The following FAM20B variants were observed in gnomAD, a reference collection of about 807,000 sequenced individuals.
FAM20B encodes the protein FAM20B glycosaminoglycan xylosylkinase.
A neutral mutation model predicts 43.8 loss-of-function variants in FAM20B; 23 were observed. That is an observed-to-expected ratio of 0.53 (90% CI 0.38 to 0.74). The LOEUF is 0.74. FAM20B is among the 30% of genes least tolerant of loss of function. The probability of loss-of-function intolerance (pLI) is 0.00; values close to 1 mark genes in which losing one functional copy is unlikely to be tolerated. For missense variants in FAM20B, 440 were observed against 510.5 expected (o/e 0.86, Z 1.33); for synonymous variants, 178 against 192.4 (o/e 0.93, Z 0.62).
intron 3 of FAM20B, 94 bp from the exon 4 acceptor site, chr1:179,054,435 C>A: frequency 4.1e-6 from 3 of 733,932 alleles, no homozygotes; most frequent in Non-Finnish European, 7.1e-6. Flanking sequence ...AAACCCTTTA[C>A]ACATTTGACA....
chr1:179,031,079 T>C (rs1429275827), intron 1 of FAM20B, among the ~76,000 whole-genome samples: 3 of 152,212 alleles, frequency 2.0e-5, no homozygotes, highest in African/African-American at 4.8e-5. Context: ...AGGTCTATTG[T>C]TGTATAAAGT....
Position 179,037,001 on chromosome 1 carries a change from A to G in FAM20B, c.-133-6714A>G, listed in dbSNP as rs1179597719. Reference sequence around the variant, plus strand: ...CAAAGAGCACCTACACATCAAGAGGAGGACCATAGCATGTTCAGTTGATCC... The same window carrying G: ...CAAAGAGCACCTACACATCAAGAGGGGGACCATAGCATGTTCAGTTGATCC... On this transcript the variant is annotated intron_variant, in intron 1 of 7. Coordinates refer to ENST00000263733, the MANE Select transcript of FAM20B (RefSeq NM_014864.4). 2.6e-5 allele frequency among the ~76,000 whole-genome samples: 4 copies of G among 152,338 alleles called. No homozygotes were observed. In the East Asian group the frequency reaches 7.7e-4, roughly 29 times the overall value.
upstream of FAM20B, among the ~76,000 whole-genome samples, chr1:179,021,157 C>T (rs547314914): frequency 8.5e-5 from 13 of 152,346 alleles, no homozygotes; most frequent in African/African-American, 3.1e-4. Context: ...GCTCAAAGAG[C>T]CTTCTGCTGA....
At chr1:179,049,211 T>C (rs149965003) in intron 2 of FAM20B, among the ~76,000 whole-genome samples, 113 of 152,314 alleles carry the variant, frequency 7.4e-4, no homozygotes, top group African/African-American at 2.5e-3. Context: ...ATCATCAGAA[T>C]GCAGTCTGAG....
chr1:179,023,674 C>T (rs1649646139), upstream of FAM20B, among the ~76,000 whole-genome samples: 1 of 152,166 alleles, frequency 6.6e-6, no homozygotes, highest in Admixed American at 6.5e-5. Flanking sequence ...CTGAAGATGG[C>T]GGCTGTAAGT....
intron 1 of FAM20B, among the ~76,000 whole-genome samples, chr1:179,038,533 G>C (rs888545564): frequency 2.0e-4 from 30 of 152,170 alleles, no homozygotes; most frequent in Admixed American, 3.3e-4. Flanking sequence ...TGCATTTGTA[G>C]CTAGTGGCAT....
intron 1 of FAM20B, among the ~76,000 whole-genome samples, chr1:179,030,788 G>C (rs1036203195): frequency 3.3e-5 from 5 of 151,698 alleles, no homozygotes; most frequent in Admixed American, 2.0e-4. Context: ...TACAGGCCCT[G>C]CACAGTGCTA....
intron 2 of FAM20B, among the ~76,000 whole-genome samples, chr1:179,047,309 G>A (rs1308122307): frequency 3.9e-5 from 6 of 151,964 alleles, no homozygotes; most frequent in African/African-American, 7.3e-5. Context: ...AACCACTTCC[G>A]TTCTTCCCCG....
chr1:179,019,452 T>G, the FAM20B span, among the ~76,000 whole-genome samples: 2 of 146,490 alleles, frequency 1.4e-5, no homozygotes, highest in East Asian at 4.0e-4. Context: ...GGTTTTTTTT[T>G]TTGTTTGTTT....
At chr1:179,071,566 A>G (rs1252617971) in intron 7 of FAM20B, among the ~76,000 whole-genome samples, 1 of 152,138 alleles carries the variant, frequency 6.6e-6, no homozygotes, top group Non-Finnish European at 1.5e-5. Context: ...TAAATTTTCA[A>G]AATTGTTTTT....
At chr1:179,040,998 C>G in intron 1 of FAM20B, among the ~76,000 whole-genome samples, 1 of 149,486 alleles carries the variant, frequency 6.7e-6, no homozygotes, top group African/African-American at 2.5e-5. Context: ...CAGAGGCGCT[C>G]CCCACATCTC....
At chr1:179,060,258 G>T (rs1651407061) in intron 4 of FAM20B, among the ~76,000 whole-genome samples, 1 of 151,886 alleles carries the variant, frequency 6.6e-6, no homozygotes, top group Non-Finnish European at 1.5e-5. Context: ...CCATTATTTG[G>T]GTCTACCATA....
rs148915221 is a variant in FAM20B, at chr1:179,044,851, C to T, written c.377+627C>T. On this transcript the variant is annotated intron_variant, in intron 2 of 7. Coordinates refer to ENST00000263733, the MANE Select transcript of FAM20B (RefSeq NM_014864.4). The stretch of plus-strand genomic sequence containing the variant: ...ATTGCTGGACCACATGGTAAGAGTA[C>T]GTTTCATTTTGTAAAAAACTGCTAA... 1.2e-3 allele frequency among the ~76,000 whole-genome samples: 190 copies of T among 152,304 alleles called. 1 individual carries two copies. Among genetic ancestry groups the T allele is most frequent in the African/African-American group, 4.2e-3 (176 of 41,578 alleles).
rs188098490 is a variant in FAM20B, at chr1:179,041,231, G to A, written c.-133-2484G>A. Among the ~76,000 whole-genome samples the A allele has an allele frequency of 4.6e-5, 7 of 151,844 alleles. No individual in the cohort carries two copies. In the Middle Eastern group the frequency reaches 0.01, roughly 221 times the overall value. On this transcript the variant is annotated intron_variant, in intron 1 of 7. Coordinates refer to ENST00000263733, the MANE Select transcript of FAM20B (RefSeq NM_014864.4). Reference sequence around the variant, plus strand: ...AGACGATGGGCAACCAGGCAGAGACGCTCCTCACTTCCCAGACGGGGTGGC... The same window carrying A: ...AGACGATGGGCAACCAGGCAGAGACACTCCTCACTTCCCAGACGGGGTGGC...
Position 179,034,573 on chromosome 1 carries a change from G to T in FAM20B, c.-134+8475G>T, listed in dbSNP as rs1306932244. On this transcript the variant is annotated intron_variant, in intron 1 of 7. Transcript: ENST00000263733. ...TTGATAGGATAAATTGTTAGTGTCTGTCTTTGCAGACAGTCTACAAAAAAT... is the reference window on the plus strand; with the variant it reads ...TTGATAGGATAAATTGTTAGTGTCTTTCTTTGCAGACAGTCTACAAAAAAT... Among the ~76,000 whole-genome samples, 3 of 152,270 alleles carry T rather than the reference G, an allele frequency of 2.0e-5. No homozygotes were observed. The East Asian group carries it at 5.8e-4, about 29-fold the overall frequency.
At chr1:179,066,145 T>C (rs550153413) in intron 6 of FAM20B, among the ~76,000 whole-genome samples, 1 of 152,276 alleles carries the variant, frequency 6.6e-6, no homozygotes, top group African/African-American at 2.4e-5. Context: ...GGACCTACAC[T>C]GTACTAAGGG....
At chr1:179,064,273 T>C (rs755919918) in intron 5 of FAM20B, 32 bp from the exon 6 acceptor site, 4 of 1,563,180 alleles carry the variant, frequency 2.6e-6, no homozygotes, top group African/African-American at 1.4e-5. Flanking sequence ...TACAGTGTTG[T>C]CACTCAGTGC....
intron 2 of FAM20B, among the ~76,000 whole-genome samples, chr1:179,044,657 T>C (rs1381457492): frequency 6.6e-6 from 1 of 152,236 alleles, no homozygotes; most frequent in Non-Finnish European, 1.5e-5. Context: ...CTGAATAATA[T>C]TCCATTGTCT....
At chr1:179,069,459 C>T (rs1280229276) in intron 7 of FAM20B, among the ~76,000 whole-genome samples, 3 of 152,194 alleles carry the variant, frequency 2.0e-5, no homozygotes, top group Admixed American at 6.5e-5. Flanking sequence ...CAACCGCTGT[C>T]TCCCGGGTTC....
Sources: gnomAD v4.1 joint callset for allele counts (sites outside exome capture counted in the v4.1 genomes callset) on GRCh38, gnomAD v4.1.1 for gene constraint, MANE v1.5 for transcripts, NCBI Gene and HGNC (gene_info 2026-07-23, HGNC 2026-07-21) for gene names.